The following RTTN variants were observed in gnomAD, a reference collection of about 807,000 sequenced individuals.
RTTN encodes the protein rotatin.
Under a neutral mutation model 269.2 loss-of-function variants are expected in RTTN, and 182 were observed. The observed-to-expected ratio is 0.68, with a 90% CI of 0.60 to 0.76. The LOEUF (loss-of-function observed/expected upper bound fraction) is 0.76, where lower values mean the gene tolerates loss of function less well. RTTN is among the 30% of genes least tolerant of loss of function. The pLI, the probability that RTTN is intolerant of heterozygous loss-of-function variation, is 0.00. For missense variants in RTTN, 2,545 were observed against 2,608.6 expected (o/e 0.98, Z 0.53); for synonymous variants, 1,006 against 963.5 (o/e 1.04, Z -0.82).
intron 35 of RTTN, among the ~76,000 whole-genome samples, chr18:70,063,361 G>C (rs1362514607): frequency 6.6e-6 from 1 of 152,128 alleles, no homozygotes; most frequent in Non-Finnish European, 1.5e-5. Context: ...CTACTTTTAG[G>C]TCCTTTGTGA....
chr18:70,067,785 G>T (rs76645592), intron 34 of RTTN, among the ~76,000 whole-genome samples: 1 of 152,106 alleles, frequency 6.6e-6, no homozygotes, highest in African/African-American at 2.4e-5. Context: ...TTCAACGATC[G>T]GTGTGGGAAA....
At chr18:70,005,372 AAATAT>A (rs1280882175) in intron 47 of RTTN, 105 bp from the exon 48 acceptor site, 2 of 654,510 alleles carry the variant, frequency 3.1e-6, no homozygotes, top group Non-Finnish European at 5.1e-6. Flanking sequence ...GAATATTATG[AAATAT>A]AATAATATAA....
intron 28 of RTTN, among the ~76,000 whole-genome samples, chr18:70,095,074 T>TA (rs1555726081): frequency 3.3e-5 from 5 of 151,644 alleles, no homozygotes; most frequent in South Asian, 4.2e-4. Context: ...TTTTTTTTTT[T>TA]ATCTTTGTTG....
intron 35 of RTTN, chr18:70,061,403 A>G (rs942896608): frequency 1.8e-5 from 8 of 456,226 alleles, no homozygotes; most frequent in South Asian, 9.3e-5. Context: ...TCGATTCCCT[A>G]AAGTGGAGAA....
intron 14 of RTTN, among the ~76,000 whole-genome samples, chr18:70,152,418 G>A (rs1045241258): frequency 1.3e-5 from 2 of 152,102 alleles, no homozygotes; most frequent in East Asian, 1.9e-4. Context: ...CTGTTAGGAG[G>A]ATTCAATGAG....
At chr18:70,101,611 T>A (rs1279253917) in intron 28 of RTTN, among the ~76,000 whole-genome samples, 1 of 152,232 alleles carries the variant, frequency 6.6e-6, no homozygotes, top group Non-Finnish European at 1.5e-5. Context: ...TTTCTTGCCT[T>A]CTGCTAGCTT....
chr18:70,050,754 T>C (rs1302291626), intron 39 of RTTN, among the ~76,000 whole-genome samples: 3 of 152,126 alleles, frequency 2.0e-5, no homozygotes, highest in Non-Finnish European at 4.4e-5. Flanking sequence ...AAAAAAAGAA[T>C]GAGTTCATGT....
intron 40 of RTTN, among the ~76,000 whole-genome samples, chr18:70,034,355 G>A (rs1374410406): frequency 6.6e-6 from 1 of 152,264 alleles, no homozygotes; most frequent in East Asian, 1.9e-4. Flanking sequence ...AATCCACTAC[G>A]AACAAGAAGG....
chr18:70,003,296 C>T lies in RTTN; in HGVS notation c.*855G>A, dbSNP rs2056090154. 1 of 152,104 alleles carries T rather than the reference C, an allele frequency of 6.6e-6. No individual in the cohort carries two copies. The highest frequency in any genetic ancestry group is 2.1e-4 in the South Asian group (1 of 4,822). The allele number at this position is 152,104 out of a possible 1,614,324, so 9.4% of individuals were successfully genotyped here. A position where few individuals can be genotyped will look rare whatever the true frequency, so the allele number is the denominator to read the frequency against. The stretch of plus-strand genomic sequence containing the variant: ...TCAAGTGATCCACCTACCTCGGTCT[C>T]CCAAAGAGCTGAAAGTATAAGCATG... On this transcript the variant is annotated 3_prime_UTR_variant, in exon 49 of 49. Coordinates refer to ENST00000640769, the MANE Select transcript of RTTN (RefSeq NM_173630.4).
chr18:70,069,837 C>A (rs906271474), intron 34 of RTTN, among the ~76,000 whole-genome samples: 1 of 151,910 alleles, frequency 6.6e-6, no homozygotes, highest in African/African-American at 2.4e-5. Flanking sequence ...AAATAAAGTA[C>A]AAGTCTAGCC....
At chr18:70,114,755 A>G (rs541426743) in intron 26 of RTTN, among the ~76,000 whole-genome samples, 156 bp from the exon 27 acceptor site, 5 of 152,248 alleles carry the variant, frequency 3.3e-5, no homozygotes, top group Admixed American at 1.3e-4. Flanking sequence ...TCTAAATTCA[A>G]AAGATGTTTA....
At chr18:70,145,934 T>C (rs201432650) in intron 17 of RTTN, 151 bp from the exon 18 acceptor site, 5 of 483,604 alleles carry the variant, frequency 1.0e-5, no homozygotes, top group East Asian at 1.0e-4. Flanking sequence ...CTTTTTCTAC[T>C]AAAAATTCTT....
chr18:70,065,712 G>A (rs1207935993), intron 35 of RTTN, 117 bp downstream of exon 35: 1 of 534,616 alleles, frequency 1.9e-6, no homozygotes, highest in Admixed American at 3.3e-5. Flanking sequence ...ATTTCATAAT[G>A]GTCTACAACT....
intron 3 of RTTN, 24 bp from the exon 4 acceptor site, chr18:70,202,007 G>A (rs1333696743): frequency 3.0e-6 from 4 of 1,345,074 alleles, no homozygotes; most frequent in East Asian, 2.3e-5. Flanking sequence ...AAACATTACT[G>A]TATTGTCGAT....
At position 70,088,071 on chromosome 18, in the gene RTTN, C is replaced by T; in HGVS notation, c.4220G>A (p.Cys1407Tyr). Residue 1407 changes from cysteine (C) to tyrosine (Y), a missense_variant, in exon 31 of 49, where the codon TGT (cysteine) becomes TAT (tyrosine). By Grantham distance (194) the Cys-to-Tyr change is radical (BLOSUM62 -2). Transcript: ENST00000640769. ...CCAGAGCCCACCGGAAATGTTCTGA[C>T]AACTGTTTGCTAAGGCCACACAGCC... ...ETGCVALANS[C>Y]QNISGGLWGT... is the part of the protein sequence containing the mutation. 2 of 1,613,954 alleles carry T rather than the reference C, an allele frequency of 1.2e-6. No individual in the cohort carries two copies. Among genetic ancestry groups the T allele is most frequent in the Admixed American group, 1.7e-5 (1 of 59,948 alleles).
At chr18:70,109,443 G>T in intron 28 of RTTN, 55 bp downstream of exon 28, 2 of 1,346,876 alleles carry the variant, frequency 1.5e-6, no homozygotes, top group Non-Finnish European at 2.1e-6. Context: ...TTGTGGCCTG[G>T]CATAAAGTAA....
At chr18:70,050,882 T>C (rs189154649) in intron 39 of RTTN, among the ~76,000 whole-genome samples, 2 of 152,244 alleles carry the variant, frequency 1.3e-5, no homozygotes, top group African/African-American at 2.4e-5. Context: ...TGAGAACACA[T>C]GGACACAGGG....
In RTTN at chr18:70,155,734, A is replaced by AC. The variant is rs1420331760; in HGVS notation, c.1930-5002dup. Among the ~76,000 whole-genome samples, 28 of 152,292 alleles carry AC rather than the reference A, an allele frequency of 1.8e-4. 1 individual carries two copies. Among genetic ancestry groups the AC allele is most frequent in the African/African-American group, 6.0e-4 (25 of 41,556 alleles). On this transcript the variant is annotated intron_variant, in intron 14 of 48. Coordinates refer to ENST00000640769, the MANE Select transcript of RTTN (RefSeq NM_173630.4). ...AGGTGCCTGTTGCGGGAAGTCAGGG[A>AC]CCCCGAACGGAGGGACCGGCTGAAG...
chr18:70,035,599 T>G (rs969542360), intron 40 of RTTN, among the ~76,000 whole-genome samples: 1 of 151,934 alleles, frequency 6.6e-6, no homozygotes, highest in Non-Finnish European at 1.5e-5. Context: ...CCAAAACTAT[T>G]AAAACGCTGG....
Sources: gnomAD v4.1 joint callset for allele counts (sites outside exome capture counted in the v4.1 genomes callset) on GRCh38, gnomAD v4.1.1 for gene constraint, MANE v1.5 for transcripts, NCBI Gene and HGNC (gene_info 2026-07-23, HGNC 2026-07-21) for gene names.